Variants in ADAMTSL3 observed in about 807,000 individuals in gnomAD.
ADAMTSL3 encodes ADAMTS like 3, also known as ADAMTS-like protein 3.
A neutral mutation model predicts 201.7 loss-of-function variants in ADAMTSL3; 128 were observed. The ratio of observed to expected loss-of-function variants is 0.63; its 90% CI spans 0.55 to 0.73. The LOEUF is 0.73. Among genes scored for constraint, ADAMTSL3 ranks in the 30% least tolerant of loss-of-function variants. The pLI is 0.00. For synonymous variants in ADAMTSL3, 738 were observed against 748.4 expected, an observed-to-expected ratio of 0.99 and a Z score of 0.23; for missense variants, 1,990 against 2,119.6, an observed-to-expected ratio of 0.94 and a Z score of 1.20.
chr15:83,906,622 CCACACACACACACACA>C lies in ADAMTSL3; in HGVS notation c.1701-6429_1701-6414del, dbSNP rs1157198460. 9.2e-3 allele frequency among the ~76,000 whole-genome samples: 727 copies of C among 79,026 alleles called. 14 individuals carry two copies. The East Asian group carries it at 0.14, about 16-fold the overall frequency. The allele number at this position is 79,026 out of a possible 152,430, so 51.8% of individuals were successfully genotyped here. On this transcript the variant is annotated intron_variant, in intron 15 of 29. Coordinates refer to ENST00000286744, the MANE Select transcript of ADAMTSL3 (RefSeq NM_207517.3). ...CTATATATTTATATAGTGCCACACA[CCACACACACACACACA>C]CACACACACACACACACACACACAC...
At chr15:83,696,203 C>T (rs1170514354) in intron 2 of ADAMTSL3, among the ~76,000 whole-genome samples, 1 of 152,182 alleles carries the variant, frequency 6.6e-6, no homozygotes, top group Non-Finnish European at 1.5e-5. Flanking sequence ...GTGATCCTAA[C>T]TTCCCATTCA....
intron 7 of ADAMTSL3, among the ~76,000 whole-genome samples, chr15:83,858,124 A>G (rs888751548): frequency 7.2e-5 from 11 of 152,202 alleles, no homozygotes; most frequent in Non-Finnish European, 1.2e-4. Flanking sequence ...GGTCTTCATT[A>G]CTACAACTCA....
At chr15:83,844,937 T>G (rs2064464108) in intron 7 of ADAMTSL3, among the ~76,000 whole-genome samples, 1 of 152,234 alleles carries the variant, frequency 6.6e-6, no homozygotes, top group Non-Finnish European at 1.5e-5. Context: ...CTGTATCATC[T>G]GGCCCCTGTG....
chr15:83,906,833 A>G lies in ADAMTSL3; in HGVS notation c.1701-6259A>G, dbSNP rs1445581146. ...TTTATACCTGCTTTTTTGCTCTTCC[A>G]CTATATTTTCATTTGTATTTTTCTT... On this transcript the variant is annotated intron_variant, in intron 15 of 29. Coordinates refer to ENST00000286744, the MANE Select transcript of ADAMTSL3 (RefSeq NM_207517.3). Among the ~76,000 whole-genome samples the G allele has an allele frequency of 2.0e-5, 3 of 151,424 alleles. No individual in the cohort carries two copies. In the East Asian group the frequency reaches 5.8e-4, roughly 29 times the overall value.
At chr15:83,975,798 A>G (rs2067276419) in intron 20 of ADAMTSL3, among the ~76,000 whole-genome samples, 1 of 152,192 alleles carries the variant, frequency 6.6e-6, no homozygotes, top group Admixed American at 6.5e-5. Flanking sequence ...ATAGGACTAG[A>G]ACATAGGTTC....
At chr15:83,923,361 T>C (rs992626219) in intron 16 of ADAMTSL3, among the ~76,000 whole-genome samples, 2 of 152,194 alleles carry the variant, frequency 1.3e-5, no homozygotes, top group African/African-American at 4.8e-5. Flanking sequence ...TTGTTATTGT[T>C]TTTCCTAGCA....
At chr15:83,693,580 GA>G (rs143548730) in intron 2 of ADAMTSL3, among the ~76,000 whole-genome samples, 3 of 151,020 alleles carry the variant, frequency 2.0e-5, no homozygotes, top group Admixed American at 6.6e-5. Context: ...TAGATAATCA[GA>G]AAAAAAAAGT....
intron 5 of ADAMTSL3, among the ~76,000 whole-genome samples, chr15:83,807,116 G>A (rs1359093828): frequency 1.3e-5 from 2 of 152,110 alleles, no homozygotes; most frequent in Non-Finnish European, 2.9e-5. Context: ...AGATATTCAG[G>A]AATAAATTTA....
chr15:83,661,553 G>A (rs955684973), intron 2 of ADAMTSL3, among the ~76,000 whole-genome samples: 63 of 152,118 alleles, frequency 4.1e-4, no homozygotes, highest in African/African-American at 9.9e-4. Context: ...AATTGTGAAC[G>A]GGAGTTCACT....
At chr15:84,023,511 A>T (rs1353185658) in intron 26 of ADAMTSL3, among the ~76,000 whole-genome samples, 1 of 152,172 alleles carries the variant, frequency 6.6e-6, no homozygotes, top group African/African-American at 2.4e-5. Flanking sequence ...ACCCTAACTG[A>T]TAGGTCTTCC....
chr15:83,698,469 G>A (rs979187759), intron 2 of ADAMTSL3, among the ~76,000 whole-genome samples: 2 of 152,182 alleles, frequency 1.3e-5, no homozygotes, highest in Non-Finnish European at 2.9e-5. Context: ...GGCTGGTGGA[G>A]ATGATGCATT....
intron 11 of ADAMTSL3, 169 bp from the exon 12 acceptor site, chr15:83,891,160 A>G: frequency 1.8e-6 from 1 of 552,822 alleles, no homozygotes; most frequent in East Asian, 3.0e-5. Context: ...ATTCTTGACA[A>G]CTAAAGAGAT....
chr15:84,028,475 A>G (rs2068349239), intron 27 of ADAMTSL3, among the ~76,000 whole-genome samples: 1 of 152,224 alleles, frequency 6.6e-6, no homozygotes, highest in Admixed American at 6.5e-5. Flanking sequence ...AGGTATTATT[A>G]TAAATAAGTA....
At chr15:83,738,855 C>T (rs978299243) in intron 3 of ADAMTSL3, among the ~76,000 whole-genome samples, 1 of 151,704 alleles carries the variant, frequency 6.6e-6, no homozygotes, top group Non-Finnish European at 1.5e-5. Context: ...GAGATTCTGC[C>T]ACTGCATTCC....
At chr15:83,998,198 TC>T (rs2067723973) in intron 23 of ADAMTSL3, among the ~76,000 whole-genome samples, 1 of 152,188 alleles carries the variant, frequency 6.6e-6, no homozygotes, top group African/African-American at 2.4e-5. Flanking sequence ...ACACCTGTAA[TC>T]CCAGCACTTT....
chr15:83,815,050 C>A (rs1410784806), intron 5 of ADAMTSL3, among the ~76,000 whole-genome samples: 1 of 152,072 alleles, frequency 6.6e-6, no homozygotes, highest in African/African-American at 2.4e-5. Flanking sequence ...GCAGCTGCCT[C>A]CTCTTCCTTT....
In ADAMTSL3 at chr15:83,888,401, AG is replaced by A. The variant is rs530874291; in HGVS notation, c.1073-1707del. Among the ~76,000 whole-genome samples, 537 of 117,698 alleles carry A rather than the reference AG, an allele frequency of 4.6e-3. 2 individuals carry two copies. Among genetic ancestry groups the A allele is most frequent in the African/African-American group, 0.018 (513 of 28,826 alleles). 77.2% of individuals were successfully genotyped at this position (117,698 alleles called of 152,430 possible). On this transcript the variant is annotated intron_variant, in intron 10 of 29. Transcript: ENST00000286744. The stretch of plus-strand genomic sequence containing the variant: ...AGAAGTCTATTTCTATTTAGAACAA[AG>A]ATTTTTTTTTTCTGACTCAAGGAGC...
At position 83,983,143 on chromosome 15, in the gene ADAMTSL3, T is replaced by A; in HGVS notation, c.3515T>A (p.Phe1172Tyr). 6.2e-7 allele frequency: 1 copy of A among 1,613,854 alleles called. No individual in the cohort carries two copies. Among genetic ancestry groups the A allele is most frequent in the Non-Finnish European group, 8.5e-7 (1 of 1,179,912 alleles). ...GCAAAAAACTCAGGCAAGCTGACAT[T>A]CAAGCCGAAAGGACCTGTTCTCATG... ...SHAKNSGKLT[F>Y]KPKGPVLMRQ... Residue 1172 changes from phenylalanine (F) to tyrosine (Y), a missense_variant, in exon 21 of 30, where the codon TTC becomes TAC. Phe to Tyr is a conservative substitution (Grantham distance 22). Transcript: ENST00000286744.
chr15:83,957,043 A>G (rs965438829), intron 19 of ADAMTSL3, among the ~76,000 whole-genome samples: 2 of 152,222 alleles, frequency 1.3e-5, no homozygotes, highest in African/African-American at 2.4e-5. Flanking sequence ...TGTTCTGTCT[A>G]CAGAGCTACG....
Sources: gnomAD v4.1 joint callset for allele counts (sites outside exome capture counted in the v4.1 genomes callset) on GRCh38, gnomAD v4.1.1 for gene constraint, MANE v1.5 for transcripts, NCBI Gene and HGNC (gene_info 2026-07-23, HGNC 2026-07-21) for gene names.